The following TNNI3K variants were observed in gnomAD, a reference collection of about 807,000 sequenced individuals.
The protein encoded by TNNI3K is TNNI3 interacting kinase.
A neutral mutation model predicts 114.5 loss-of-function variants in TNNI3K; 140 were observed. That is an observed-to-expected ratio of 1.22 (90% CI 1.07 to 1.41). The LOEUF (loss-of-function observed/expected upper bound fraction) is 1.41. TNNI3K is among the 40% of genes most tolerant of loss of function. The probability of loss-of-function intolerance (pLI) is 0.00; values close to 1 mark genes in which losing one functional copy is unlikely to be tolerated. For missense variants in TNNI3K, 1,125 were observed against 1,007.6 expected (o/e 1.12, Z -1.58); for synonymous variants, 347 against 347.5 (o/e 1.00, Z 0.02).
intron 6 of TNNI3K, among the ~76,000 whole-genome samples, chr1:74,332,521 C>G (rs552370644): frequency 6.2e-4 from 94 of 151,982 alleles, no homozygotes; most frequent in Non-Finnish European, 1.2e-3. Flanking sequence ...AGGATGGTCT[C>G]GATCTCCTGA....
intron 5 of TNNI3K, among the ~76,000 whole-genome samples, chr1:74,323,539 C>T (rs1378190628): frequency 6.6e-6 from 1 of 151,824 alleles, no homozygotes; most frequent in Non-Finnish European, 1.5e-5. Context: ...CAATATCAGC[C>T]GAGGGCAAAG....
intron 21 of TNNI3K, among the ~76,000 whole-genome samples, chr1:74,483,761 A>G (rs1038977457): frequency 2.6e-5 from 4 of 152,168 alleles, no homozygotes; most frequent in African/African-American, 9.7e-5. Context: ...CCTAAATCAC[A>G]TAGCGGGTAG....
At chr1:74,255,909 TATC>T (rs1334717832) in intron 4 of TNNI3K, among the ~76,000 whole-genome samples, 1 of 152,226 alleles carries the variant, frequency 6.6e-6, no homozygotes, top group Admixed American at 6.5e-5. Context: ...TTCTTGCACT[TATC>T]ATAAGGCTAT....
chr1:74,321,602 G>T (rs1018803454), intron 5 of TNNI3K, among the ~76,000 whole-genome samples: 1 of 151,516 alleles, frequency 6.6e-6, no homozygotes, highest in African/African-American at 2.4e-5. Flanking sequence ...TATAACTGAT[G>T]AAATTATTTT....
chr1:74,236,104 G>C lies in TNNI3K; in HGVS notation c.43G>C (p.Glu15Gln). Residue 15 changes from glutamate (E) to glutamine (Q), a missense_variant and splice_region_variant, in exon 2 of 25, where the codon GAA (glutamate) becomes CAA (glutamine). Physicochemically the swap from Glu to Gln is conservative, Grantham distance 29. Transcript: ENST00000326637. ...KSRPTQTCTD[E>Q]WKKKVSESYV... is the part of the protein sequence containing the mutation. The stretch of plus-strand genomic sequence containing the variant: ...TCTCATTTGTTCTTCTTTACTAGAT[G>C]AATGGAAGAAAAAAGTCAGTGAATC... 3 of 1,603,888 alleles carry C rather than the reference G, an allele frequency of 1.9e-6. No individual in the cohort carries two copies. The highest frequency in any genetic ancestry group is 2.6e-6 in the Non-Finnish European group (3 of 1,173,974).
intron 17 of TNNI3K, among the ~76,000 whole-genome samples, chr1:74,419,906 A>G (rs915379844): frequency 6.6e-6 from 1 of 152,130 alleles, no homozygotes; most frequent in African/African-American, 2.4e-5. Flanking sequence ...TAAGATACAT[A>G]AATATTGTAT....
intron 4 of TNNI3K, among the ~76,000 whole-genome samples, chr1:74,264,760 A>G (rs1259942829): frequency 6.6e-6 from 1 of 152,036 alleles, no homozygotes; most frequent in Non-Finnish European, 1.5e-5. Context: ...TTTTATGACT[A>G]AACATCTCTT....
At chr1:74,347,019 C>CT (rs1338027430) in intron 9 of TNNI3K, among the ~76,000 whole-genome samples, 2 of 151,532 alleles carry the variant, frequency 1.3e-5, no homozygotes, top group African/African-American at 4.9e-5. Flanking sequence ...TATTTTTCTA[C>CT]TTTAAGTTTT....
intron 9 of TNNI3K, among the ~76,000 whole-genome samples, chr1:74,346,987 T>A (rs1044933025): frequency 2.0e-5 from 3 of 151,364 alleles, no homozygotes; most frequent in Admixed American, 6.6e-5. Flanking sequence ...TACCTATTTA[T>A]TTATTTATTA....
chr1:74,395,449 A>G (rs1010339206), intron 17 of TNNI3K, among the ~76,000 whole-genome samples: 1 of 152,086 alleles, frequency 6.6e-6, no homozygotes, highest in South Asian at 2.1e-4. Context: ...CCATAGACAA[A>G]CCTGAGACTG....
intron 11 of TNNI3K, among the ~76,000 whole-genome samples, chr1:74,359,415 A>T (rs920727169): frequency 6.6e-6 from 1 of 151,940 alleles, no homozygotes; most frequent in East Asian, 1.9e-4. Context: ...AAATTTTAAT[A>T]TATTAGGATA....
At chr1:74,400,102 C>T (rs1557544072) in intron 17 of TNNI3K, among the ~76,000 whole-genome samples, 1 of 152,128 alleles carries the variant, frequency 6.6e-6, no homozygotes. Flanking sequence ...CCCTATGCCA[C>T]CTAACTGTAG....
intron 23 of TNNI3K, among the ~76,000 whole-genome samples, chr1:74,498,229 T>C (rs764522230): frequency 2.6e-5 from 4 of 152,156 alleles, no homozygotes; most frequent in Non-Finnish European, 5.9e-5. Flanking sequence ...CACTGTATCT[T>C]AACAGTTTTT....
chr1:74,417,545 A>G (rs1665177259), intron 17 of TNNI3K, among the ~76,000 whole-genome samples: 1 of 151,906 alleles, frequency 6.6e-6, no homozygotes, highest in Non-Finnish European at 1.5e-5. Context: ...CTGCTGCCCC[A>G]ACCATTTGTT....
chr1:74,380,210 G>A (rs1282348943), intron 17 of TNNI3K, among the ~76,000 whole-genome samples: 3 of 152,100 alleles, frequency 2.0e-5, no homozygotes, highest in South Asian at 2.1e-4. Flanking sequence ...AAGACGATGT[G>A]TGTGTGCAAA....
chr1:74,352,869 C>T (rs556902149), intron 9 of TNNI3K, among the ~76,000 whole-genome samples: 1 of 152,194 alleles, frequency 6.6e-6, no homozygotes, highest in Non-Finnish European at 1.5e-5. Context: ...TGTCTGTCAC[C>T]CCTTTCTTTG....
intron 21 of TNNI3K, among the ~76,000 whole-genome samples, chr1:74,486,506 GCT>G: frequency 1.1e-5 from 1 of 87,712 alleles, no homozygotes; most frequent in African/African-American, 7.2e-5. Flanking sequence ...TTTGTTTTTT[GCT>G]TTTTTTTTTT....
intron 9 of TNNI3K, among the ~76,000 whole-genome samples, chr1:74,345,564 G>T (rs1162151186): frequency 6.6e-6 from 1 of 152,164 alleles, no homozygotes; most frequent in Non-Finnish European, 1.5e-5. Flanking sequence ...GGCCATCCCA[G>T]GAAGAGGAAA....
At chr1:74,385,160 C>G (rs999209196) in intron 17 of TNNI3K, among the ~76,000 whole-genome samples, 1 of 152,074 alleles carries the variant, frequency 6.6e-6, no homozygotes, top group Admixed American at 6.6e-5. Context: ...CATATTATCC[C>G]ACTTGTATAT....
Sources: allele counts gnomAD v4.1 joint callset (sites outside exome capture counted in the v4.1 genomes callset), GRCh38; gene constraint gnomAD v4.1.1; transcripts MANE v1.5; gene names NCBI Gene and HGNC (gene_info 2026-07-23, HGNC 2026-07-21).